Variants in RBMS2 observed in about 807,000 individuals in gnomAD.
RBMS2 encodes RNA-binding motif, single-stranded-interacting protein 2.
A neutral mutation model predicts 58.4 loss-of-function variants in RBMS2; 38 were observed. The observed-to-expected ratio is 0.65, with a 90% CI of 0.50 to 0.85. The LOEUF (loss-of-function observed/expected upper bound fraction) is 0.85. RBMS2 is among the 40% of genes least tolerant of loss of function. The probability of loss-of-function intolerance (pLI) is 0.00; values close to 1 mark genes in which losing one functional copy is unlikely to be tolerated. For synonymous variants in RBMS2, 151 were observed against 180.7 expected, an observed-to-expected ratio of 0.84 and a Z score of 1.32; for missense variants, 367 against 503.7, an observed-to-expected ratio of 0.73 and a Z score of 2.60.
chr12:56,520,468 T>C (rs1040748817), upstream of RBMS2, among the ~76,000 whole-genome samples: 5 of 152,296 alleles, frequency 3.3e-5, no homozygotes, highest in East Asian at 9.6e-4. Context: ...CTCAAGAAAC[T>C]ACTTAGGATG....
At chr12:56,575,129 A>G (rs543954700) in intron 5 of RBMS2, among the ~76,000 whole-genome samples, 1 of 151,516 alleles carries the variant, frequency 6.6e-6, no homozygotes, top group Non-Finnish European at 1.5e-5. Context: ...AGCCTGGGCG[A>G]CATGCACTTC....
At chr12:56,579,729 A>T (rs986199260) in intron 5 of RBMS2, among the ~76,000 whole-genome samples, 1 of 152,146 alleles carries the variant, frequency 6.6e-6, no homozygotes, top group Non-Finnish European at 1.5e-5. Context: ...GGGGAAATAG[A>T]TTAAATATAC....
intron 2 of RBMS2, among the ~76,000 whole-genome samples, chr12:56,568,702 G>A (rs1490528083): frequency 6.6e-6 from 1 of 151,902 alleles, no homozygotes; most frequent in African/African-American, 2.4e-5. Context: ...GCTAATTTTT[G>A]TATTTTTAGT....
intron 13 of RBMS2, 60 bp downstream of exon 13, chr12:56,589,078 G>A (rs1347238303): frequency 1.2e-6 from 2 of 1,611,834 alleles, no homozygotes; most frequent in African/African-American, 1.3e-5. Context: ...GCTCAGCCCG[G>A]CCTGAAGTCA....
chr12:56,583,600 GCCGAGATCGCGCC>G (rs1884270327), intron 9 of RBMS2, among the ~76,000 whole-genome samples: 1 of 151,778 alleles, frequency 6.6e-6, no homozygotes, highest in African/African-American at 2.4e-5. Flanking sequence ...GTTGTGGTGA[GCCGAGATCGCGCC>G]ACTACACTCC....
chr12:56,577,140 AC>A (rs1434604998), intron 5 of RBMS2, among the ~76,000 whole-genome samples: 1 of 149,426 alleles, frequency 6.7e-6, no homozygotes, highest in Non-Finnish European at 1.5e-5. Context: ...GCAGTGGCTC[AC>A]GCCCGTAAGC....
In RBMS2 at chr12:56,582,145, C is replaced by T. The variant is rs1444248926; in HGVS notation, c.866C>T (p.Ser289Leu). ...LSPYLSSPVSSYQRVTQTSPL... is the reference protein window; with the variant it reads ...LSPYLSSPVSLYQRVTQTSPL... ...CCATACCTTTCCTCTCCTGTGTCTTCGTATCAGGTATGTTCATGCCTGAAA... is the reference window on the plus strand; with the variant it reads ...CCATACCTTTCCTCTCCTGTGTCTTTGTATCAGGTATGTTCATGCCTGAAA... The change falls in exon 9 of 14, where the codon TCG becomes TTG. Residue 289 changes from serine (S) to leucine (L), a missense_variant. Ser to Leu is a moderately radical substitution (Grantham distance 145). Around this residue, in one of 3 missense-constraint regions of RBMS2, gnomAD observed 220 missense variants for 261.1 expected, o/e 0.84. Coordinates refer to ENST00000262031, the MANE Select transcript of RBMS2 (RefSeq NM_002898.4). 4.4e-6 allele frequency: 7 copies of T among 1,602,756 alleles called. No homozygotes were observed. The highest frequency in any genetic ancestry group is 4.5e-5 in the East Asian group (2 of 44,794).
At chr12:56,587,767 C>T (rs1412946815) in intron 11 of RBMS2, 103 bp downstream of exon 11, 3 of 1,402,644 alleles carry the variant, frequency 2.1e-6, no homozygotes, top group African/African-American at 1.4e-5. Flanking sequence ...GGAATTACTT[C>T]AGTGTCATCC....
chr12:56,525,553 T>A (rs1872521823), intron 1 of RBMS2, among the ~76,000 whole-genome samples: 1 of 152,032 alleles, frequency 6.6e-6, no homozygotes, highest in African/African-American at 2.4e-5. Flanking sequence ...AGACAGGGTA[T>A]CACTCTGCAG....
rs751712289 is a variant in RBMS2 at position 56,581,281 on chromosome 12, C to G, written c.622+18C>G. On this transcript the variant is annotated intron_variant, in intron 6 of 13. Coordinates refer to ENST00000262031, the MANE Select transcript of RBMS2 (RefSeq NM_002898.4). ...AGTACCAGGTGAGGCATCTGGGGCT[C>G]AGGCTGAGAGGGCCACAGGTTGTTA... The G allele has an allele frequency of 4.4e-6, 7 of 1,591,790 alleles. No individual in the cohort carries two copies. Among genetic ancestry groups the G allele is most frequent in the Non-Finnish European group, 6.0e-6 (7 of 1,159,848 alleles).
Position 56,588,243 on chromosome 12 carries a change from A to G in RBMS2, c.1063-51A>G, listed in dbSNP as rs771505829. ...TTTTTTAAAGCCCCTCAGCTGCTTC[A>G]AATGTAGCCAAAAATCACTGCTGTA... On this transcript the variant is annotated intron_variant, in intron 11 of 13. Transcript: ENST00000262031. 4.7e-6 allele frequency: 7 copies of G among 1,480,426 alleles called. No homozygotes were observed. In the South Asian group the frequency reaches 7.9e-5, roughly 17 times the overall value. The allele number at this position is 1,480,426 out of a possible 1,614,324, so 91.7% of individuals were successfully genotyped here.
intron 1 of RBMS2, among the ~76,000 whole-genome samples, chr12:56,547,640 T>C: frequency 6.7e-6 from 1 of 148,784 alleles, no homozygotes; most frequent in Non-Finnish European, 1.5e-5. Flanking sequence ...TTTGTTCTGC[T>C]ACTTTTCTTT....
chr12:56,569,108 TGA>T lies in RBMS2; in HGVS notation c.292+79_292+80del. 3 of 1,294,564 alleles carry T rather than the reference TGA, an allele frequency of 2.3e-6. No homozygotes were observed. In the Admixed American group the frequency reaches 5.2e-5, roughly 22 times the overall value. 80.2% of individuals were successfully genotyped at this position (1,294,564 alleles called of 1,614,324 possible). A position where few individuals can be genotyped will look rare whatever the true frequency, so the allele number is the denominator to read the frequency against. On this transcript the variant is annotated intron_variant, in intron 3 of 13. Coordinates refer to ENST00000262031, the MANE Select transcript of RBMS2 (RefSeq NM_002898.4). ...ATCCCTTGACACTGCCCTTTACTGC[TGA>T]GAGTCCTGAGTCTACAGTGTCAGCG... is the stretch of plus-strand genomic sequence containing the variant.
At chr12:56,554,816 G>T (rs1283225181) in intron 1 of RBMS2, among the ~76,000 whole-genome samples, 1 of 152,128 alleles carries the variant, frequency 6.6e-6, no homozygotes, top group Non-Finnish European at 1.5e-5. Context: ...GTTTTTTCAT[G>T]TAGTAGTATA....
At position 56,581,834 on chromosome 12, in the gene RBMS2, G is replaced by A. The variant is rs779436719; in HGVS notation, c.734G>A (p.Gly245Asp). 2 of 1,614,094 alleles carry A rather than the reference G, an allele frequency of 1.2e-6. No individual in the cohort carries two copies. The highest frequency in any genetic ancestry group is 1.7e-6 in the Non-Finnish European group (2 of 1,179,998). The change falls in exon 8 of 14, where the codon GGC (glycine) becomes GAC (aspartate). Residue 245 changes from glycine to aspartate, a missense_variant and splice_region_variant. Around this residue, in one of 3 missense-constraint regions of RBMS2, gnomAD observed 220 missense variants for 261.1 expected, o/e 0.84. Coordinates refer to ENST00000262031, the MANE Select transcript of RBMS2 (RefSeq NM_002898.4). ...GRAWPRNADM[G>D]VMALTYDPTT... ...GAACACTGTGTTCTTTCTTTATAGG[G>A]CGTCATGGCCTTGACCTATGACCCC...
chr12:56,573,590 G>A (rs1284037049), intron 5 of RBMS2, among the ~76,000 whole-genome samples: 1 of 151,878 alleles, frequency 6.6e-6, no homozygotes, highest in Non-Finnish European at 1.5e-5. Context: ...ATATCTAAAG[G>A]AGAGTTCCTA....
chr12:56,551,119 CAAAAAAAAAAAAAG>C (rs1878194103), intron 1 of RBMS2, among the ~76,000 whole-genome samples: 1 of 91,994 alleles, frequency 1.1e-5, no homozygotes, highest in African/African-American at 4.3e-5. Flanking sequence ...GACCCTGTTT[CAAAAAAAAAAAAAG>C]AAAAAAAAAA....
chr12:56,560,533 C>T (rs1477240873), intron 1 of RBMS2, among the ~76,000 whole-genome samples: 4 of 151,886 alleles, frequency 2.6e-5, no homozygotes, highest in East Asian at 1.9e-4. Flanking sequence ...GGATTACGGG[C>T]GTGAGCCACT....
chr12:56,562,301 G>A, intron 1 of RBMS2, 116 bp from the exon 2 acceptor site: 1 of 976,960 alleles, frequency 1.0e-6, no homozygotes, highest in Non-Finnish European at 1.5e-6. Context: ...CCAAGTGAGT[G>A]CACATTTGTG....
Sources: gnomAD v4.1 joint callset for allele counts (sites outside exome capture counted in the v4.1 genomes callset) on GRCh38, gnomAD v4.1.1 for gene constraint, gnomAD v4.1.1 regional missense constraint, MANE v1.5 for transcripts, NCBI Gene and HGNC (gene_info 2026-07-23, HGNC 2026-07-21) for gene names.